SYNPR: variants seen among roughly 807,000 people sequenced by gnomAD.
SYNPR encodes the protein synaptoporin.
In SYNPR, 23 loss-of-function variants were observed where a neutral mutation model predicts 32.9. The observed-to-expected ratio is 0.70, with a 90% CI of 0.50 to 0.99. The LOEUF is 0.99. Among genes scored for constraint, SYNPR ranks in the 50% least tolerant of loss-of-function variants. The pLI is 0.00. For missense variants in SYNPR, 318 were observed against 349.3 expected (o/e 0.91, Z 0.71); for synonymous variants, 146 against 135.9 (o/e 1.07, Z -0.52).
intron 2 of SYNPR, among the ~76,000 whole-genome samples, chr3:63,263,306 A>G (rs1024356586): frequency 6.6e-6 from 1 of 152,158 alleles, no homozygotes; most frequent in Non-Finnish European, 1.5e-5. Context: ...GATGATCTCA[A>G]AGATTCTTTA....
intron 2 of SYNPR, among the ~76,000 whole-genome samples, chr3:63,401,141 A>G (rs1560218081): frequency 6.6e-6 from 1 of 152,130 alleles, no homozygotes; most frequent in Non-Finnish European, 1.5e-5. Flanking sequence ...AAAGGAAAAG[A>G]GATAAAACGA....
chr3:63,224,627 C>T (rs566708868), upstream of SYNPR, among the ~76,000 whole-genome samples: 1 of 152,178 alleles, frequency 6.6e-6, no homozygotes, highest in Non-Finnish European at 1.5e-5. Flanking sequence ...GGCCATAGCA[C>T]AGAGTCTGTG....
At chr3:63,239,469 A>ATAGG in intron 1 of SYNPR, among the ~76,000 whole-genome samples, 2 of 149,006 alleles carry the variant, frequency 1.3e-5, no homozygotes, top group Non-Finnish European at 3.0e-5. Flanking sequence ...GCATGGTAGA[A>ATAGG]TGGGCACATG....
intron 2 of SYNPR, among the ~76,000 whole-genome samples, chr3:63,336,483 GAATA>G: frequency 2.3e-5 from 2 of 86,374 alleles, no homozygotes; most frequent in Middle Eastern, 0.011. Context: ...ATAATCTTTT[GAATA>G]AATAGTACTA....
At chr3:63,502,468 T>C (rs949996869) in intron 3 of SYNPR, among the ~76,000 whole-genome samples, 2 of 152,266 alleles carry the variant, frequency 1.3e-5, no homozygotes, top group South Asian at 2.1e-4. Context: ...TTTGAGTAAA[T>C]GTACAATGAC....
intron 3 of SYNPR, 105 bp from the exon 4 acceptor site, chr3:63,556,438 A>C (rs1575709065): frequency 1.0e-6 from 1 of 997,264 alleles, no homozygotes; most frequent in African/African-American, 1.6e-5. Context: ...CATGCACTAA[A>C]ACTCCCAGAT....
At chr3:63,400,042 G>A (rs1045780721) in intron 2 of SYNPR, among the ~76,000 whole-genome samples, 2 of 152,172 alleles carry the variant, frequency 1.3e-5, no homozygotes, top group Non-Finnish European at 2.9e-5. Context: ...AGCCCATTCT[G>A]CAGAGGATGA....
chr3:63,523,285 C>A (rs1292144587), intron 3 of SYNPR, among the ~76,000 whole-genome samples: 1 of 152,062 alleles, frequency 6.6e-6, no homozygotes, highest in Non-Finnish European at 1.5e-5. Context: ...TCTTTTCCAC[C>A]TTGCACTATG....
chr3:63,452,505 T>C (rs1700397304), intron 2 of SYNPR, among the ~76,000 whole-genome samples: 1 of 152,074 alleles, frequency 6.6e-6, no homozygotes, highest in African/African-American at 2.4e-5. Context: ...ATTAGTAAAT[T>C]TGTGAATATT....
At chr3:63,296,469 A>C (rs11928611) in intron 2 of SYNPR, among the ~76,000 whole-genome samples, 70,644 of 151,912 alleles carry the variant, frequency 0.47, 16,610 homozygotes, top group Middle Eastern at 0.52. Flanking sequence ...TCAGGAGCCT[A>C]GTCTGGTGGA....
intron 1 of SYNPR, among the ~76,000 whole-genome samples, chr3:63,234,677 T>C (rs920600480): frequency 2.6e-5 from 4 of 152,192 alleles, no homozygotes; most frequent in African/African-American, 9.6e-5. Context: ...CTCCAAAATG[T>C]ATTTTTCAAT....
intron 2 of SYNPR, among the ~76,000 whole-genome samples, chr3:63,474,700 T>C (rs1343256618): frequency 6.6e-6 from 1 of 152,144 alleles, no homozygotes; most frequent in Admixed American, 6.5e-5. Context: ...GTTGGCAAAC[T>C]CAACTTAGTG....
chr3:63,606,970 A>C (rs1397134161), intron 4 of SYNPR, among the ~76,000 whole-genome samples: 1 of 152,192 alleles, frequency 6.6e-6, no homozygotes, highest in Non-Finnish European at 1.5e-5. Flanking sequence ...CATCATAAGC[A>C]CTCAATAAAT....
At chr3:63,348,377 T>C (rs897026518) in intron 2 of SYNPR, among the ~76,000 whole-genome samples, 6 of 152,194 alleles carry the variant, frequency 3.9e-5, no homozygotes, top group African/African-American at 7.2e-5. Context: ...AATGGGGTTA[T>C]TTGTTGTTGT....
At chr3:63,537,434 C>G (rs1281860502) in intron 3 of SYNPR, among the ~76,000 whole-genome samples, 1 of 152,086 alleles carries the variant, frequency 6.6e-6, no homozygotes, top group Non-Finnish European at 1.5e-5. Flanking sequence ...TCCAGCTGAA[C>G]CATACAGACA....
intron 3 of SYNPR, among the ~76,000 whole-genome samples, chr3:63,538,682 C>T (rs957765989): frequency 6.6e-6 from 1 of 152,008 alleles, no homozygotes; most frequent in South Asian, 2.1e-4. Flanking sequence ...AGGCTTCCTC[C>T]ACGTGGAGGG....
At chr3:63,222,011 A>ATTTTTTTTTTTTTTTT in the SYNPR span, among the ~76,000 whole-genome samples, 38 of 56,410 alleles carry the variant, frequency 6.7e-4, 3 homozygotes, top group African/African-American at 1.6e-3. Context: ...GCCATGCTCA[A>ATTTTTTTTTTTTTTTT]TTTTTTTTTT....
chr3:63,374,207 A>T (rs1229607981), intron 2 of SYNPR, among the ~76,000 whole-genome samples: 3 of 152,210 alleles, frequency 2.0e-5, no homozygotes, highest in Non-Finnish European at 4.4e-5. Flanking sequence ...ATTTTGAAAT[A>T]TGTTCCTTTA....
At chr3:63,282,313 T>G (rs1282854739) in intron 2 of SYNPR, among the ~76,000 whole-genome samples, 1 of 152,234 alleles carries the variant, frequency 6.6e-6, no homozygotes, top group African/African-American at 2.4e-5. Flanking sequence ...AGCAATCAGT[T>G]GCTTTTAAAA....
Sources: gnomAD v4.1 joint callset for allele counts (sites outside exome capture counted in the v4.1 genomes callset) on GRCh38, gnomAD v4.1.1 for gene constraint, MANE v1.5 for transcripts, NCBI Gene and HGNC (gene_info 2026-07-23, HGNC 2026-07-21) for gene names.